The following PDE8A variants were observed in gnomAD, a reference collection of about 807,000 sequenced individuals.
PDE8A encodes the protein phosphodiesterase 8A.
Under a neutral mutation model 105.0 loss-of-function variants are expected in PDE8A, and 59 were observed. The ratio of observed to expected loss-of-function variants is 0.56; its 90% CI spans 0.46 to 0.70. The LOEUF is 0.70. PDE8A is among the 30% of genes least tolerant of loss of function. The probability of loss-of-function intolerance (pLI) is 0.00; values close to 1 mark genes in which losing one functional copy is unlikely to be tolerated. For missense variants in PDE8A, 1,014 were observed against 1,045.9 expected, an observed-to-expected ratio of 0.97 and a Z score of 0.42; for synonymous variants, 355 against 371.9, an observed-to-expected ratio of 0.95 and a Z score of 0.52.
At chr15:85,132,455 T>A (rs2082342727) in intron 20 of PDE8A, among the ~76,000 whole-genome samples, 2 of 152,168 alleles carry the variant, frequency 1.3e-5, no homozygotes, top group Admixed American at 6.5e-5. Flanking sequence ...GTTTAATTTG[T>A]TTTTTGTATT....
At chr15:85,043,677 GTTT>G (rs1160203470) in intron 1 of PDE8A, among the ~76,000 whole-genome samples, 1 of 119,218 alleles carries the variant, frequency 8.4e-6, no homozygotes, top group African/African-American at 3.5e-5. Context: ...GAAATTAATG[GTTT>G]TTTGTTTGTT....
At chr15:85,117,918 C>A in intron 17 of PDE8A, 79 bp downstream of exon 17, 1 of 1,115,022 alleles carries the variant, frequency 9.0e-7, no homozygotes, top group Non-Finnish European at 1.4e-6. Context: ...CACTAAGATA[C>A]ATAGCATGAC....
At chr15:85,098,856 C>T (rs1206250335) in intron 9 of PDE8A, among the ~76,000 whole-genome samples, 1 of 151,784 alleles carries the variant, frequency 6.6e-6, no homozygotes, top group Non-Finnish European at 1.5e-5. Flanking sequence ...CTTCAGGGGG[C>T]CGATGTGGGA....
intron 1 of PDE8A, among the ~76,000 whole-genome samples, chr15:85,054,536 A>G (rs1409258594): frequency 2.0e-5 from 3 of 152,266 alleles, no homozygotes; most frequent in Admixed American, 2.0e-4. Context: ...TTCCTGGTTT[A>G]ACCTTTGGAG....
At chr15:85,124,024 A>G (rs1365436221) in intron 19 of PDE8A, among the ~76,000 whole-genome samples, 1 of 152,180 alleles carries the variant, frequency 6.6e-6, no homozygotes, top group East Asian at 1.9e-4. Context: ...TCATGGTAGC[A>G]GCAGCTATCC....
At chr15:85,101,249 G>A (rs1411893202) in intron 11 of PDE8A, among the ~76,000 whole-genome samples, 1 of 152,182 alleles carries the variant, frequency 6.6e-6, no homozygotes, top group Non-Finnish European at 1.5e-5. Context: ...GGAGCAATCA[G>A]AGATTTAGTC....
intron 1 of PDE8A, among the ~76,000 whole-genome samples, chr15:85,061,016 ATTTTGT>A (rs999968366): frequency 8.6e-5 from 13 of 151,494 alleles, no homozygotes; most frequent in East Asian, 1.9e-4. Context: ...GGTTTGTTTT[ATTTTGT>A]TTTTGTTTTT....
chr15:85,006,796 G>A (rs190121997), intron 1 of PDE8A, among the ~76,000 whole-genome samples: 5 of 152,138 alleles, frequency 3.3e-5, no homozygotes, highest in Non-Finnish European at 7.4e-5. Flanking sequence ...ACTGTATTGC[G>A]AGTGGGAGGA....
At chr15:84,994,526 A>G (rs1181736212) in intron 1 of PDE8A, among the ~76,000 whole-genome samples, 1 of 152,218 alleles carries the variant, frequency 6.6e-6, no homozygotes, top group African/African-American at 2.4e-5. Flanking sequence ...AAAATACAGC[A>G]ATCTTGAAGG....
At chr15:85,094,615 G>C (rs536161663) in intron 8 of PDE8A, among the ~76,000 whole-genome samples, 3 of 152,260 alleles carry the variant, frequency 2.0e-5, no homozygotes, top group South Asian at 2.1e-4. Flanking sequence ...TGCTGTCTCT[G>C]CTCATGGACC....
upstream of PDE8A, among the ~76,000 whole-genome samples, chr15:84,981,615 G>C (rs930937434): frequency 6.6e-6 from 1 of 152,126 alleles, no homozygotes; most frequent in African/African-American, 2.4e-5. Context: ...GGCCTGGGGG[G>C]GCTTTTCCGC....
At chr15:85,019,932 GTTTTTTTTTGGTTTTTTTTT>G (rs2080394019) in intron 1 of PDE8A, among the ~76,000 whole-genome samples, 1 of 105,476 alleles carries the variant, frequency 9.5e-6, no homozygotes, top group South Asian at 3.5e-4. Context: ...CTTTGGGGGA[GTTTTTTTTTGGTTTTTTTTT>G]TTTTTTTTTT....
chr15:85,000,850 T>C (rs1324311131), intron 1 of PDE8A, among the ~76,000 whole-genome samples: 2 of 152,254 alleles, frequency 1.3e-5, no homozygotes, highest in Non-Finnish European at 2.9e-5. Context: ...GGACATTTTC[T>C]GGAATTTTTA....
intron 8 of PDE8A, among the ~76,000 whole-genome samples, chr15:85,095,763 A>T (rs1378360433): frequency 6.6e-6 from 1 of 151,902 alleles, no homozygotes; most frequent in Non-Finnish European, 1.5e-5. Context: ...CTGCTCCTTT[A>T]GATGGACTGT....
intron 1 of PDE8A, among the ~76,000 whole-genome samples, chr15:85,045,345 A>G (rs2080870625): frequency 6.6e-6 from 1 of 152,204 alleles, no homozygotes; most frequent in Non-Finnish European, 1.5e-5. Flanking sequence ...ATCTTTTTCC[A>G]GCTAGATACA....
chr15:85,030,266 A>G (rs1046560376), intron 1 of PDE8A, among the ~76,000 whole-genome samples: 1 of 151,782 alleles, frequency 6.6e-6, no homozygotes, highest in African/African-American at 2.4e-5. Flanking sequence ...CTTGTGGAAT[A>G]TCTTCAGTTC....
At chr15:85,136,457 T>C in intron 20 of PDE8A, 77 bp from the exon 21 acceptor site, 3 of 1,485,890 alleles carry the variant, frequency 2.0e-6, no homozygotes, top group Non-Finnish European at 2.7e-6. Context: ...GGAGAAGCTC[T>C]TCCTGGGGGA....
chr15:85,048,699 C>G (rs971210494), intron 1 of PDE8A, among the ~76,000 whole-genome samples: 1 of 152,232 alleles, frequency 6.6e-6, no homozygotes, highest in African/African-American at 2.4e-5. Flanking sequence ...ACAAAAAACT[C>G]ATCGTTCAAA....
At chr15:85,022,391 G>T (rs2080441093) in intron 1 of PDE8A, among the ~76,000 whole-genome samples, 1 of 149,900 alleles carries the variant, frequency 6.7e-6, no homozygotes, top group Non-Finnish European at 1.5e-5. Flanking sequence ...TCTAGCACCA[G>T]TCCACCCAGG....
Sources: allele counts gnomAD v4.1 joint callset (sites outside exome capture counted in the v4.1 genomes callset), GRCh38; gene constraint gnomAD v4.1.1; transcripts MANE v1.5; gene names NCBI Gene and HGNC (gene_info 2026-07-23, HGNC 2026-07-21).